The following GALNTL6 variants were observed in gnomAD, a reference collection of about 807,000 sequenced individuals.
The protein encoded by GALNTL6 is polypeptide N-acetylgalactosaminyltransferase like 6, also known as polypeptide N-acetylgalactosaminyltransferase-like 6.
Under a neutral mutation model 73.7 loss-of-function variants are expected in GALNTL6, and 46 were observed. That is an observed-to-expected ratio of 0.62 (90% CI 0.49 to 0.80). GALNTL6 has a LOEUF of 0.80. Ranked by LOEUF, GALNTL6 falls within the 30% of genes least tolerant of loss-of-function variation. The pLI is 0.00. For missense variants in GALNTL6, 604 were observed against 755.0 expected, an observed-to-expected ratio of 0.80 and a Z score of 2.34; for synonymous variants, 259 against 263.7, an observed-to-expected ratio of 0.98 and a Z score of 0.17.
chr4:171,960,104 G>T (rs1293446782), intron 2 of GALNTL6, among the ~76,000 whole-genome samples: 1 of 152,168 alleles, frequency 6.6e-6, no homozygotes, highest in Non-Finnish European at 1.5e-5. Context: ...GGTACAGATT[G>T]TAGGTGTCTT....
chr4:172,556,273 C>A (rs1736138594), intron 5 of GALNTL6, among the ~76,000 whole-genome samples: 1 of 151,894 alleles, frequency 6.6e-6, no homozygotes, highest in African/African-American at 2.4e-5. Context: ...GGTAGGAGAT[C>A]TTCCTGTTTA....
chr4:172,642,260 A>G (rs1740021822), intron 5 of GALNTL6, among the ~76,000 whole-genome samples: 1 of 152,102 alleles, frequency 6.6e-6, no homozygotes, highest in Non-Finnish European at 1.5e-5. Flanking sequence ...TCATGTGTCA[A>G]AGAGATATCT....
chr4:172,519,762 C>G (rs532417068), intron 5 of GALNTL6, among the ~76,000 whole-genome samples: 1 of 151,878 alleles, frequency 6.6e-6, no homozygotes, highest in African/African-American at 2.4e-5. Flanking sequence ...TGCCTTGCCT[C>G]TGCTTTTCTT....
chr4:172,400,451 A>G (rs1743996812), intron 5 of GALNTL6, among the ~76,000 whole-genome samples: 1 of 152,238 alleles, frequency 6.6e-6, no homozygotes, highest in African/African-American at 2.4e-5. Context: ...GTAAGGGACA[A>G]GAAATACTTG....
intron 5 of GALNTL6, among the ~76,000 whole-genome samples, chr4:172,750,917 A>G (rs930062061): frequency 7.2e-5 from 11 of 152,122 alleles, no homozygotes; most frequent in Middle Eastern, 3.4e-3. Flanking sequence ...TTGACTCTGG[A>G]GCCTCAATGT....
At chr4:173,016,053 A>C (rs943764092) in intron 11 of GALNTL6, among the ~76,000 whole-genome samples, 1 of 152,236 alleles carries the variant, frequency 6.6e-6, no homozygotes, top group Non-Finnish European at 1.5e-5. Context: ...CCCAAGCCTT[A>C]GCACCTTCCA....
rs138350004 is a variant in GALNTL6, at chr4:172,708,599, G to A, written c.554-100762G>A. On this transcript the variant is annotated intron_variant, in intron 5 of 12. Transcript: ENST00000506823. The stretch of plus-strand genomic sequence containing the variant: ...AATTGTCATAATACAAACCACAAAG[G>A]GGGACCTTAAGAGTAAATGAGCCAA... Among the ~76,000 whole-genome samples the A allele has an allele frequency of 3.5e-4, 53 of 152,232 alleles. 1 individual carries two copies. The East Asian group carries it at 8.9e-3, about 26-fold the overall frequency.
chr4:172,449,130 G>A (rs336019), intron 5 of GALNTL6, among the ~76,000 whole-genome samples: 131,806 of 152,112 alleles, frequency 0.87, 57,149 homozygotes, highest in South Asian at 0.89. Flanking sequence ...TTACAATAGT[G>A]AAAATAGCCT....
Position 172,902,229 on chromosome 4 carries a change from C to T in GALNTL6, c.1041+19322C>T, listed in dbSNP as rs1007235999. On this transcript the variant is annotated intron_variant, in intron 8 of 12. Transcript: ENST00000506823. The stretch of plus-strand genomic sequence containing the variant: ...ATGATATTAAAACCACCACAAGTCT[C>T]TAATTTTTCCAGAGTGCAATTTTAC... Among the ~76,000 whole-genome samples, 3 of 152,156 alleles carry T rather than the reference C, an allele frequency of 2.0e-5. No individual in the cohort carries two copies. In the South Asian group the frequency reaches 6.2e-4, roughly 32 times the overall value.
intron 5 of GALNTL6, among the ~76,000 whole-genome samples, chr4:172,727,294 T>TATACATA (rs1327943402): frequency 1.3e-5 from 2 of 152,174 alleles, no homozygotes; most frequent in Non-Finnish European, 2.9e-5. Flanking sequence ...AGTCATATAC[T>TATACATA]TTACACCACA....
At chr4:172,614,649 T>C (rs1738654965) in intron 5 of GALNTL6, among the ~76,000 whole-genome samples, 1 of 152,186 alleles carries the variant, frequency 6.6e-6, no homozygotes, top group Non-Finnish European at 1.5e-5. Context: ...TTGTAAGAAA[T>C]GCAGAGGCAT....
intron 5 of GALNTL6, among the ~76,000 whole-genome samples, chr4:172,605,156 C>G (rs1042768410): frequency 6.6e-6 from 1 of 152,186 alleles, no homozygotes; most frequent in African/African-American, 2.4e-5. Context: ...ACCTCAATAT[C>G]TGTGGGTTAG....
At chr4:172,807,675 A>G (rs114096823) in intron 5 of GALNTL6, among the ~76,000 whole-genome samples, 6,734 of 152,188 alleles carry the variant, frequency 0.044, 456 homozygotes, top group African/African-American at 0.15. Context: ...TCCCAGGCCT[A>G]CTCTGATTCC....
At chr4:172,687,457 G>A (rs926613296) in intron 5 of GALNTL6, among the ~76,000 whole-genome samples, 37 of 151,700 alleles carry the variant, frequency 2.4e-4, no homozygotes, top group African/African-American at 8.2e-4. Context: ...GTGAAACCCC[G>A]TCTCTACTAA....
intron 5 of GALNTL6, among the ~76,000 whole-genome samples, chr4:172,681,191 C>G (rs10029955): frequency 0.34 from 51,109 of 151,940 alleles, 9,148 homozygotes; most frequent in Middle Eastern, 0.47. Context: ...ATAATAAAAC[C>G]TCCCCAGGTT....
intron 5 of GALNTL6, among the ~76,000 whole-genome samples, chr4:172,427,785 G>T (rs557702044): frequency 6.6e-6 from 1 of 152,114 alleles, no homozygotes; most frequent in East Asian, 1.9e-4. Flanking sequence ...CATTTTGTTG[G>T]TATTAAAACA....
intron 3 of GALNTL6, among the ~76,000 whole-genome samples, chr4:172,289,848 G>T (rs1048788735): frequency 7.9e-5 from 12 of 152,136 alleles, no homozygotes; most frequent in African/African-American, 2.9e-4. Flanking sequence ...TTTCACAGGT[G>T]CTTGTTGTAC....
chr4:172,729,387 A>G (rs6553645), intron 5 of GALNTL6, among the ~76,000 whole-genome samples: 77,960 of 151,958 alleles, frequency 0.51, 21,149 homozygotes, highest in African/African-American at 0.7. Flanking sequence ...TTTTTAATCC[A>G]TTTTGATTTA....
intron 5 of GALNTL6, among the ~76,000 whole-genome samples, chr4:172,529,742 A>G (rs543201838): frequency 2.0e-5 from 3 of 151,788 alleles, no homozygotes; most frequent in Middle Eastern, 3.4e-3. Flanking sequence ...ATGGAGTGTA[A>G]TGGTGTGATC....
Sources: allele counts gnomAD v4.1 joint callset (sites outside exome capture counted in the v4.1 genomes callset), GRCh38; gene constraint gnomAD v4.1.1; transcripts MANE v1.5; gene names NCBI Gene and HGNC (gene_info 2026-07-23, HGNC 2026-07-21).